Variants in ZFPM1 observed in about 807,000 individuals in gnomAD.
The protein encoded by ZFPM1 is zinc finger protein, FOG family member 1.
ZFPM1 carries 28 observed loss-of-function variants against 46.3 expected under a neutral mutation model. The observed-to-expected ratio is 0.60, with a 90% CI of 0.45 to 0.83. The LOEUF (loss-of-function observed/expected upper bound fraction) is 0.83. Ranked by LOEUF, ZFPM1 falls within the 40% of genes least tolerant of loss-of-function variation. ZFPM1 has a pLI of 0.00. For synonymous variants in ZFPM1, 957 were observed against 675.9 expected, an observed-to-expected ratio of 1.42 and a Z score of -6.45; for missense variants, 1,878 against 1,432.4, an observed-to-expected ratio of 1.31 and a Z score of -5.02.
intron 3 of ZFPM1, among the ~76,000 whole-genome samples, chr16:88,493,889 G>T (rs111424579): frequency 1.3e-5 from 2 of 152,144 alleles, no homozygotes; most frequent in African/African-American, 4.8e-5. Flanking sequence ...CTTTGCTCTC[G>T]AGCGCCACGG....
chr16:88,453,253 T>G (rs1348308166), upstream of ZFPM1: 2 of 145,350 alleles, frequency 1.4e-5, no homozygotes, highest in Non-Finnish European at 3.0e-5. Flanking sequence ...CCGACGACGC[T>G]CAGGCCCGGC....
intron 4 of ZFPM1, chr16:88,516,609 ATGAT>A: frequency 5.0e-6 from 2 of 398,642 alleles, no homozygotes; most frequent in Non-Finnish European, 8.8e-6. Flanking sequence ...ACCGTACAAG[ATGAT>A]TGATTTCTTC....
At chr16:88,486,736 A>G (rs1187926755) in intron 2 of ZFPM1, among the ~76,000 whole-genome samples, 1 of 145,412 alleles carries the variant, frequency 6.9e-6, no homozygotes, top group Non-Finnish European at 1.5e-5. Flanking sequence ...TGCTGGGTGC[A>G]CAGCGGATGG....
intron 3 of ZFPM1, among the ~76,000 whole-genome samples, chr16:88,495,614 C>T (rs779805373): frequency 7.2e-5 from 11 of 152,206 alleles, no homozygotes; most frequent in South Asian, 4.1e-4. Context: ...TGAGACCTGA[C>T]GCTAAGGGCA....
At chr16:88,505,044 C>CA (rs944900863) in intron 3 of ZFPM1, among the ~76,000 whole-genome samples, 6 of 152,218 alleles carry the variant, frequency 3.9e-5, no homozygotes, top group African/African-American at 1.4e-4. Flanking sequence ...TGTTCTGTGT[C>CA]AAAAAATCAA....
intron 4 of ZFPM1, among the ~76,000 whole-genome samples, chr16:88,517,819 T>G (rs1179433984): frequency 1.0e-4 from 14 of 134,980 alleles, no homozygotes; most frequent in Non-Finnish European, 2.1e-4. Flanking sequence ...GGTGGGTGGG[T>G]AGATGGATGG....
intron 1 of ZFPM1, among the ~76,000 whole-genome samples, chr16:88,477,039 C>T (rs1908720088): frequency 6.6e-6 from 1 of 151,580 alleles, no homozygotes; most frequent in African/African-American, 2.4e-5. Context: ...CATCGCAGAC[C>T]GGGGCCACGC....
intron 4 of ZFPM1, among the ~76,000 whole-genome samples, chr16:88,519,141 G>A (rs1372946953): frequency 7.2e-6 from 1 of 138,150 alleles, no homozygotes; most frequent in East Asian, 2.5e-4. Flanking sequence ...TGGATGGATG[G>A]ATGGATGGAT....
chr16:88,452,901 AT>A (rs1336704894), upstream of ZFPM1, among the ~76,000 whole-genome samples: 1 of 152,084 alleles, frequency 6.6e-6, no homozygotes, highest in Non-Finnish European at 1.5e-5. Context: ...GCCTGGGGAC[AT>A]GACCTCCGGG....
chr16:88,470,378 A>G (rs1210512158), intron 1 of ZFPM1, among the ~76,000 whole-genome samples: 1 of 152,212 alleles, frequency 6.6e-6, no homozygotes, highest in South Asian at 2.1e-4. Flanking sequence ...CAGGGACCCC[A>G]GGTGACCTCA....
intron 4 of ZFPM1, among the ~76,000 whole-genome samples, chr16:88,521,426 G>C (rs1214785330): frequency 6.6e-6 from 1 of 151,882 alleles, no homozygotes; most frequent in Non-Finnish European, 1.5e-5. Flanking sequence ...AGGGGTCCCA[G>C]CCCCATCCCC....
chr16:88,479,830 T>TC (rs1301650847), intron 1 of ZFPM1, among the ~76,000 whole-genome samples: 1 of 99,284 alleles, frequency 1.0e-5, no homozygotes, highest in African/African-American at 4.1e-5. Context: ...TGTGCCCCTC[T>TC]CCGCTCCCCT....
intron 2 of ZFPM1, among the ~76,000 whole-genome samples, chr16:88,487,282 C>G (rs1214358046): frequency 2.0e-5 from 3 of 152,188 alleles, no homozygotes; most frequent in African/African-American, 7.2e-5. Flanking sequence ...ACCCAGCTCC[C>G]CCACACTCCA....
rs185568531 is a variant in ZFPM1 at position 88,532,954 on chromosome 16, G to A, written c.1189+19G>A. On this transcript the variant is annotated intron_variant, in intron 9 of 9. Transcript: ENST00000319555. ...CCCCCAGGTGAGCAGCCCTGTGGGGGCCACCCCTGCCCCTTAGGCCCCCTG... is the reference window on the plus strand; with the variant it reads ...CCCCCAGGTGAGCAGCCCTGTGGGGACCACCCCTGCCCCTTAGGCCCCCTG... 368 of 1,612,336 alleles carry A rather than the reference G, an allele frequency of 2.3e-4. 1 individual carries two copies. In the Middle Eastern group the frequency reaches 3.5e-3, roughly 15 times the overall value.
At chr16:88,508,302 AAAAG>A (rs1046614142) in intron 3 of ZFPM1, among the ~76,000 whole-genome samples, 4 of 152,288 alleles carry the variant, frequency 2.6e-5, no homozygotes, top group Admixed American at 6.5e-5. Context: ...GTCTCAAAAA[AAAAG>A]AAAGAAAAGA....
intron 1 of ZFPM1, among the ~76,000 whole-genome samples, chr16:88,475,941 A>G (rs1908663137): frequency 6.6e-6 from 1 of 152,106 alleles, no homozygotes; most frequent in Admixed American, 6.5e-5. Flanking sequence ...TAAGCCCACC[A>G]GGTCCACCCC....
intron 6 of ZFPM1, among the ~76,000 whole-genome samples, chr16:88,531,323 C>G (rs1206556295): frequency 6.6e-6 from 1 of 152,180 alleles, no homozygotes; most frequent in East Asian, 1.9e-4. Context: ...GCTGGCAAAA[C>G]CACCGTAAGC....
intron 1 of ZFPM1, among the ~76,000 whole-genome samples, chr16:88,462,899 C>A (rs1046713988): frequency 2.7e-5 from 4 of 146,370 alleles, no homozygotes; most frequent in Non-Finnish European, 6.3e-5. Flanking sequence ...CCACCCAACA[C>A]GGGAGGTGCA....
At position 88,497,750 on chromosome 16, in the gene ZFPM1, G is replaced by C. The variant is rs1410797479; in HGVS notation, c.268+8597G>C. 2.0e-5 allele frequency among the ~76,000 whole-genome samples: 3 copies of C among 152,112 alleles called. No individual in the cohort carries two copies. The highest frequency in any genetic ancestry group is 4.4e-5 in the Non-Finnish European group (3 of 68,004). ...TATTTCCTGCCTGAGGCCCACGAAG[G>C]GTCCCCCGCCCCAGGGTCCCGACAG... On this transcript the variant is annotated intron_variant, in intron 3 of 9. Coordinates refer to ENST00000319555, the MANE Select transcript of ZFPM1 (RefSeq NM_153813.3). This position sits in a 1 kb window ranked among gnomAD's most constrained non-coding sequence, Gnocchi z 5.4.
Sources: gnomAD v4.1 joint callset for allele counts (sites outside exome capture counted in the v4.1 genomes callset) on GRCh38, gnomAD v4.1.1 for gene constraint, Gnocchi (gnomAD v3.1) non-coding constraint, MANE v1.5 for transcripts, NCBI Gene and HGNC (gene_info 2026-07-23, HGNC 2026-07-21) for gene names.